The following WWP1 variants were observed in gnomAD, a reference collection of about 807,000 sequenced individuals.
The protein encoded by WWP1 is NEDD4-like E3 ubiquitin-protein ligase WWP1.
A neutral mutation model predicts 130.6 loss-of-function variants in WWP1; 49 were observed. That is an observed-to-expected ratio of 0.38 (90% CI 0.30 to 0.48). The LOEUF (loss-of-function observed/expected upper bound fraction) is 0.48. WWP1 is among the 20% of genes least tolerant of loss of function. The pLI, the probability that WWP1 is intolerant of heterozygous loss-of-function variation, is 0.99. For missense variants in WWP1, 809 were observed against 1,100.6 expected (o/e 0.74, Z 3.75); for synonymous variants, 332 against 367.8 (o/e 0.90, Z 1.11).
chr8:86,361,131 T>G (rs1823569465), intron 1 of WWP1, among the ~76,000 whole-genome samples: 1 of 152,192 alleles, frequency 6.6e-6, no homozygotes, highest in East Asian at 1.9e-4. Flanking sequence ...ATCACTGTGC[T>G]GGGTAGAGGA....
At chr8:86,427,091 A>C (rs552684201) in intron 10 of WWP1, among the ~76,000 whole-genome samples, 12 of 151,858 alleles carry the variant, frequency 7.9e-5, no homozygotes, top group South Asian at 2.1e-4. Context: ...TGAACCTGGG[A>C]GGCAGAGGTT....
intron 2 of WWP1, among the ~76,000 whole-genome samples, chr8:86,371,605 T>C (rs761128937): frequency 3.3e-5 from 5 of 152,220 alleles, no homozygotes; most frequent in African/African-American, 4.8e-5. Flanking sequence ...CATTGTTTCA[T>C]GTTTGTTGGC....
At chr8:86,390,217 G>T (rs187513495) in intron 5 of WWP1, among the ~76,000 whole-genome samples, 12,492 of 151,002 alleles carry the variant, frequency 0.083, 1,700 homozygotes, top group African/African-American at 0.29. Flanking sequence ...CAGACTGGGC[G>T]GCCGGGCAGA....
At chr8:86,351,357 A>G (rs1028168138) in intron 1 of WWP1, among the ~76,000 whole-genome samples, 4 of 152,102 alleles carry the variant, frequency 2.6e-5, no homozygotes, top group Non-Finnish European at 5.9e-5. Context: ...TTTTTGAGAC[A>G]GGGTCTCCGA....
rs746660985 is a variant in WWP1 at position 86,398,644 on chromosome 8, A to G, written c.539+6A>G. 2 of 1,611,648 alleles carry G rather than the reference A, an allele frequency of 1.2e-6. No homozygotes were observed. The highest frequency in any genetic ancestry group is 1.7e-6 in the Non-Finnish European group (2 of 1,179,600). ...TCAGCAAGGACAACTGCCAGGTAGAATATTTTATTTGAATATGGGTGGCGA... is the reference window on the plus strand; with the variant it reads ...TCAGCAAGGACAACTGCCAGGTAGAGTATTTTATTTGAATATGGGTGGCGA... On this transcript the variant is annotated splice_donor_region_variant and intron_variant, in intron 7 of 24. Coordinates refer to ENST00000517970, the MANE Select transcript of WWP1 (RefSeq NM_007013.4).
At chr8:86,431,272 A>C (rs1809961398) in intron 12 of WWP1, 134 bp from the exon 13 acceptor site, 2 of 183,224 alleles carry the variant, frequency 1.1e-5, no homozygotes, top group Non-Finnish European at 1.1e-5. Context: ...TATATTCTAT[A>C]ATATATAAGG....
At chr8:86,362,643 A>C (rs1471657946) in intron 1 of WWP1, among the ~76,000 whole-genome samples, 2 of 152,132 alleles carry the variant, frequency 1.3e-5, no homozygotes, top group Non-Finnish European at 2.9e-5. Flanking sequence ...TGACCAAAAA[A>C]GGAGGGTTTA....
intron 5 of WWP1, among the ~76,000 whole-genome samples, chr8:86,387,649 G>A (rs991375059): frequency 3.3e-5 from 5 of 151,878 alleles, no homozygotes; most frequent in African/African-American, 1.2e-4. Flanking sequence ...AGTAACTGGG[G>A]TTACAGACGT....
In WWP1 at chr8:86,430,303, C is replaced by A. The variant is rs112325607; in HGVS notation, c.1333-394C>A. 1.4e-4 allele frequency among the ~76,000 whole-genome samples: 22 copies of A among 152,176 alleles called. 2 individuals carry two copies. The highest frequency in any genetic ancestry group is 4.3e-4 in the African/African-American group (18 of 41,518). On this transcript the variant is annotated intron_variant, in intron 11 of 24. Coordinates refer to ENST00000517970, the MANE Select transcript of WWP1 (RefSeq NM_007013.4). ...TAATATAGATATATTTTTGAGACAG[C>A]TTCTCGCTCTGTTGTGCAGGCTGGA...
chr8:86,373,143 CTATT>C (rs1824430375), intron 2 of WWP1, among the ~76,000 whole-genome samples: 1 of 140,030 alleles, frequency 7.1e-6, no homozygotes, highest in Middle Eastern at 3.6e-3. Context: ...TTTTTAAATT[CTATT>C]TATAGTTTTC....
intron 5 of WWP1, among the ~76,000 whole-genome samples, chr8:86,390,885 C>T (rs1416125764): frequency 6.6e-6 from 1 of 152,134 alleles, no homozygotes. Flanking sequence ...AGGCTAATTT[C>T]TTCCTTTGTT....
At chr8:86,433,726 CTG>C (rs1236677842) in intron 14 of WWP1, among the ~76,000 whole-genome samples, 1 of 151,820 alleles carries the variant, frequency 6.6e-6, no homozygotes, top group Non-Finnish European at 1.5e-5. Context: ...GGCAGATCAC[CTG>C]AGGTCAGGAG....
intron 9 of WWP1, among the ~76,000 whole-genome samples, chr8:86,424,409 C>T (rs1426485260): frequency 4.0e-5 from 6 of 149,528 alleles, no homozygotes; most frequent in African/African-American, 7.4e-5. Context: ...GGGTGGCGGC[C>T]GGGCAGAGGC....
rs529200011 is a variant in WWP1, at chr8:86,392,142, A to G, written c.335-6200A>G. 7.2e-5 allele frequency among the ~76,000 whole-genome samples: 11 copies of G among 152,226 alleles called. No individual in the cohort carries two copies. The South Asian group carries it at 1.0e-3, about 14-fold the overall frequency. ...GCTCAAGTCTTTTAGTGTGTGTGCA[A>G]TGGTGGTAGTGGTGCTGGGATTGTG... On this transcript the variant is annotated intron_variant, in intron 5 of 24. Transcript: ENST00000517970.
chr8:86,460,041 C>T (rs1811673255), intron 22 of WWP1, among the ~76,000 whole-genome samples: 1 of 152,220 alleles, frequency 6.6e-6, no homozygotes, highest in Admixed American at 6.5e-5. Context: ...GATACATTTC[C>T]ACTCTTAATC....
At chr8:86,367,855 G>T (rs1824058875) in intron 1 of WWP1, among the ~76,000 whole-genome samples, 1 of 152,174 alleles carries the variant, frequency 6.6e-6, no homozygotes, top group African/African-American at 2.4e-5. Context: ...ATACGGCTCA[G>T]CAGAATTTGA....
chr8:86,440,797 T>C lies in WWP1; in HGVS notation c.1839-1822T>C, dbSNP rs940932216. Reference sequence around the variant, plus strand: ...ATCTTTTCTCTGATCATTTTTATCTTTGCACTTTTCCATTTTATTTTGATT... The same window carrying C: ...ATCTTTTCTCTGATCATTTTTATCTCTGCACTTTTCCATTTTATTTTGATT... On this transcript the variant is annotated intron_variant, in intron 17 of 24. Transcript: ENST00000517970. 5.3e-5 allele frequency: 21 copies of C among 396,494 alleles called. 1 individual carries two copies. The Middle Eastern group carries it at 2.2e-3, about 41-fold the overall frequency. 24.6% of individuals were successfully genotyped at this position (396,494 alleles called of 1,614,324 possible). A position where few individuals can be genotyped will look rare whatever the true frequency, so the allele number is the denominator to read the frequency against.
chr8:86,435,957 G>T lies in WWP1; in HGVS notation c.1749+253G>T, dbSNP rs1305033460. On this transcript the variant is annotated intron_variant, in intron 16 of 24. Coordinates refer to ENST00000517970, the MANE Select transcript of WWP1 (RefSeq NM_007013.4). ...CGAACGATCTACCCACCTCGGCCTC[G>T]TAAAATGCTGGGATTACAGGCTTGA... is the stretch of plus-strand genomic sequence containing the variant. Among the ~76,000 whole-genome samples the T allele has an allele frequency of 2.0e-5, 3 of 152,090 alleles. No individual in the cohort carries two copies. In the South Asian group the frequency reaches 6.2e-4, roughly 31 times the overall value.
intron 8 of WWP1, among the ~76,000 whole-genome samples, chr8:86,403,845 T>C (rs1808135144): frequency 6.6e-6 from 1 of 152,118 alleles, no homozygotes; most frequent in Middle Eastern, 3.2e-3. Flanking sequence ...AAGAGAAGAA[T>C]AGATACAATT....
Sources: allele counts gnomAD v4.1 joint callset (sites outside exome capture counted in the v4.1 genomes callset), GRCh38; gene constraint gnomAD v4.1.1; transcripts MANE v1.5; gene names NCBI Gene and HGNC (gene_info 2026-07-23, HGNC 2026-07-21).